The following CHIC2 variants were observed in gnomAD, a reference collection of about 807,000 sequenced individuals.
The protein encoded by CHIC2 is cysteine rich hydrophobic domain 2.
A neutral mutation model predicts 25.9 loss-of-function variants in CHIC2; 14 were observed. That is an observed-to-expected ratio of 0.54 (90% CI 0.36 to 0.85). The LOEUF is 0.85. Among genes scored for constraint, CHIC2 ranks in the 40% least tolerant of loss-of-function variants. The pLI is 0.01. For synonymous variants in CHIC2, 70 were observed against 72.0 expected (o/e 0.97, Z 0.14); for missense variants, 146 against 202.0 (o/e 0.72, Z 1.68).
At chr4:54,062,952 T>C (rs1022647734) in intron 1 of CHIC2, among the ~76,000 whole-genome samples, 1 of 152,228 alleles carries the variant, frequency 6.6e-6, no homozygotes, top group African/African-American at 2.4e-5. Flanking sequence ...GTCATGGTGC[T>C]GTGATGGCAA....
At chr4:54,056,980 C>T (rs556943538) in intron 1 of CHIC2, among the ~76,000 whole-genome samples, 4 of 152,232 alleles carry the variant, frequency 2.6e-5, no homozygotes, top group African/African-American at 9.6e-5. Flanking sequence ...ACTAGCTGCC[C>T]CAGCAGCAGA....
chr4:54,062,254 T>C (rs1019934725), intron 1 of CHIC2, among the ~76,000 whole-genome samples: 2 of 152,214 alleles, frequency 1.3e-5, no homozygotes, highest in African/African-American at 4.8e-5. Flanking sequence ...ATACTGTTTA[T>C]TGATGATAGA....
At chr4:54,065,276 A>G (rs1717488094), upstream of CHIC2, 2 of 976,514 alleles carry the variant, frequency 2.0e-6, no homozygotes, top group Admixed American at 6.2e-5. Context: ...CACCGTAGTC[A>G]TGCTATGAAA....
chr4:54,023,876 C>T (rs6554144), intron 3 of CHIC2, among the ~76,000 whole-genome samples: 152,147 of 152,316 alleles, frequency 1, 75,989 homozygotes, highest in Middle Eastern at 1. Flanking sequence ...GTTTCCTCAC[C>T]GTGCAAGGGT....
chr4:54,063,063 G>A (rs1717387407), intron 1 of CHIC2, among the ~76,000 whole-genome samples: 1 of 152,178 alleles, frequency 6.6e-6, no homozygotes, highest in East Asian at 1.9e-4. Context: ...CAATATGGCT[G>A]GTCATACGAG....
At chr4:54,019,584 AAGAT>A (rs1462054265) in intron 3 of CHIC2, among the ~76,000 whole-genome samples, 3 of 152,202 alleles carry the variant, frequency 2.0e-5, no homozygotes, top group South Asian at 4.1e-4. Flanking sequence ...TGAATTATGA[AAGAT>A]AGGGATTCTC....
intron 5 of CHIC2, among the ~76,000 whole-genome samples, chr4:54,010,786 C>T (rs1481407837): frequency 2.6e-5 from 4 of 152,094 alleles, no homozygotes; most frequent in Admixed American, 2.6e-4. Flanking sequence ...TGAGTCTTCT[C>T]TAAGTTCTAG....
chr4:54,021,886 T>A (rs1337010254), intron 3 of CHIC2, among the ~76,000 whole-genome samples: 1 of 151,964 alleles, frequency 6.6e-6, no homozygotes, highest in African/African-American at 2.4e-5. Flanking sequence ...ACAAGAGGAC[T>A]TAATTAACCT....
chr4:54,085,187 CT>C, the CHIC2 span, among the ~76,000 whole-genome samples: 1 of 152,248 alleles, frequency 6.6e-6, no homozygotes, highest in African/African-American at 2.4e-5. Context: ...CAAGTATTAT[CT>C]TTAAAAACCT....
At chr4:54,033,200 T>A (rs919599058) in intron 3 of CHIC2, among the ~76,000 whole-genome samples, 8 of 152,226 alleles carry the variant, frequency 5.3e-5, no homozygotes, top group Admixed American at 5.2e-4. Context: ...CTTATAGCAA[T>A]GCAAGAACAG....
At chr4:54,078,410 A>G in the CHIC2 span, among the ~76,000 whole-genome samples, 2 of 152,230 alleles carry the variant, frequency 1.3e-5, no homozygotes, top group African/African-American at 2.4e-5. Context: ...CATAATTAAA[A>G]TAATATAGGA....
intron 3 of CHIC2, among the ~76,000 whole-genome samples, chr4:54,035,314 A>C (rs573199463): frequency 2.0e-5 from 3 of 152,272 alleles, no homozygotes; most frequent in African/African-American, 7.2e-5. Flanking sequence ...TAGAATAGGC[A>C]TTACTTCTTC....
chr4:54,046,192 C>T (rs1043546009), intron 3 of CHIC2, among the ~76,000 whole-genome samples: 4 of 152,096 alleles, frequency 2.6e-5, no homozygotes, highest in African/African-American at 9.7e-5. Context: ...TCATGGATAG[C>T]AAGAATCAAT....
At chr4:54,057,725 C>G (rs1011799589) in intron 1 of CHIC2, among the ~76,000 whole-genome samples, 7 of 152,270 alleles carry the variant, frequency 4.6e-5, no homozygotes, top group African/African-American at 1.7e-4. Context: ...CATTAAATTA[C>G]TTATCAGGAA....
chr4:54,030,523 G>GA (rs375404677), intron 3 of CHIC2, among the ~76,000 whole-genome samples: 53 of 114,800 alleles, frequency 4.6e-4, no homozygotes, highest in Admixed American at 2.5e-3. Context: ...TATCTCAAAA[G>GA]AAAAAAAAAA....
At chr4:54,014,560 T>A (rs1193434351) in intron 3 of CHIC2, among the ~76,000 whole-genome samples, 1 of 152,118 alleles carries the variant, frequency 6.6e-6, no homozygotes, top group Admixed American at 6.6e-5. Context: ...AAAAAATCAA[T>A]GAGTTATAAA....
intron 3 of CHIC2, among the ~76,000 whole-genome samples, chr4:54,031,105 A>T (rs1434174067): frequency 6.6e-6 from 1 of 151,906 alleles, no homozygotes; most frequent in African/African-American, 2.4e-5. Flanking sequence ...TTTTCAGACG[A>T]TTACACATTT....
chr4:54,084,592 C>T, the CHIC2 span, among the ~76,000 whole-genome samples: 1 of 151,938 alleles, frequency 6.6e-6, no homozygotes, highest in Non-Finnish European at 1.5e-5. Context: ...TAATTATTGT[C>T]ACTGATGCTT....
At chr4:54,035,951 A>G (rs1716370593) in intron 3 of CHIC2, among the ~76,000 whole-genome samples, 1 of 152,144 alleles carries the variant, frequency 6.6e-6, no homozygotes, top group Non-Finnish European at 1.5e-5. Flanking sequence ...GATTTCTTTG[A>G]CCAATGAGTT....
Sources: gnomAD v4.1 joint callset for allele counts (sites outside exome capture counted in the v4.1 genomes callset) on GRCh38, gnomAD v4.1.1 for gene constraint, MANE v1.5 for transcripts, NCBI Gene and HGNC (gene_info 2026-07-23, HGNC 2026-07-21) for gene names.